The following NRXN1 variants were observed in gnomAD, a reference collection of about 807,000 sequenced individuals.
The protein encoded by NRXN1 is neurexin-1.
In NRXN1, 39 loss-of-function variants were observed where a neutral mutation model predicts 150.9. That is an observed-to-expected ratio of 0.26 (90% confidence interval 0.20 to 0.34). NRXN1 has a LOEUF of 0.34. NRXN1 is among the 10% of genes least tolerant of loss of function. The pLI is 1.00. For missense variants in NRXN1, 1,815 were observed against 1,949.9 expected, an observed-to-expected ratio of 0.93 and a Z score of 1.30; for synonymous variants, 924 against 757.0, an observed-to-expected ratio of 1.22 and a Z score of -3.62.
intron 9 of NRXN1, among the ~76,000 whole-genome samples, chr2:50,540,368 G>C (rs1244042630): frequency 1.3e-5 from 2 of 152,170 alleles, no homozygotes; most frequent in African/African-American, 2.4e-5. Flanking sequence ...AAAATATAAA[G>C]CATGGCATTT....
chr2:50,699,099 T>C (rs981199889), intron 5 of NRXN1, among the ~76,000 whole-genome samples: 1 of 152,198 alleles, frequency 6.6e-6, no homozygotes, highest in African/African-American at 2.4e-5. Flanking sequence ...AGCCTGTATG[T>C]ACCATGCAGG....
chr2:50,278,083 T>A (rs1255130935), intron 17 of NRXN1, among the ~76,000 whole-genome samples: 1 of 142,530 alleles, frequency 7.0e-6, no homozygotes, highest in African/African-American at 2.6e-5. Context: ...TTTTTTTTTT[T>A]TTTGAGATGA....
intron 21 of NRXN1, among the ~76,000 whole-genome samples, chr2:49,983,512 T>A (rs926376992): frequency 6.6e-6 from 1 of 152,186 alleles, no homozygotes; most frequent in Admixed American, 6.5e-5. Context: ...TTTGTAGGTC[T>A]ACATTTTTAA....
chr2:50,554,432 C>G (rs1476492780), intron 8 of NRXN1: 1 of 152,076 alleles, frequency 6.6e-6, no homozygotes, highest in Non-Finnish European at 1.5e-5. Flanking sequence ...TTCCTGAGTT[C>G]AAATTCTGGC....
chr2:50,852,210 T>G (rs1453905423), intron 5 of NRXN1, among the ~76,000 whole-genome samples: 4 of 152,202 alleles, frequency 2.6e-5, no homozygotes, highest in Non-Finnish European at 5.9e-5. Context: ...TAGTCACTCA[T>G]AGCTTTACAC....
At chr2:50,407,728 G>C (rs756693398) in intron 17 of NRXN1, among the ~76,000 whole-genome samples, 4 of 151,964 alleles carry the variant, frequency 2.6e-5, no homozygotes, top group Non-Finnish European at 5.9e-5. Flanking sequence ...CTCACCTCAG[G>C]ACTCTGTAGA....
intron 2 of NRXN1, among the ~76,000 whole-genome samples, chr2:50,983,035 A>G (rs1010048608): frequency 3.3e-5 from 5 of 152,076 alleles, no homozygotes; most frequent in African/African-American, 9.7e-5. Flanking sequence ...ATATAGTTCT[A>G]TTAATTCACC....
chr2:50,230,269 A>G (rs2064815123), intron 18 of NRXN1, among the ~76,000 whole-genome samples: 1 of 152,090 alleles, frequency 6.6e-6, no homozygotes. Context: ...GGAATTAGAA[A>G]TAGAGAGATG....
At chr2:50,172,700 G>T (rs2060105295) in intron 18 of NRXN1, among the ~76,000 whole-genome samples, 1 of 152,064 alleles carries the variant, frequency 6.6e-6, no homozygotes, top group South Asian at 2.1e-4. Flanking sequence ...AGCCACAGAG[G>T]CTGACGCCTG....
At chr2:50,338,774 G>A in intron 17 of NRXN1, among the ~76,000 whole-genome samples, 1 of 151,550 alleles carries the variant, frequency 6.6e-6, no homozygotes. Flanking sequence ...ATCGGTTACT[G>A]TGAGAGTACT....
chr2:50,571,939 G>A (rs535380868), intron 8 of NRXN1, among the ~76,000 whole-genome samples: 1 of 152,260 alleles, frequency 6.6e-6, no homozygotes, highest in East Asian at 1.9e-4. Flanking sequence ...ACATTCATGG[G>A]GAACTCTGAA....
At chr2:50,730,674 T>TC (rs1451912280) in intron 5 of NRXN1, among the ~76,000 whole-genome samples, 1 of 142,954 alleles carries the variant, frequency 7.0e-6, no homozygotes, top group Admixed American at 6.9e-5. Context: ...CTTGTTTTCT[T>TC]TTTTTTTTTT....
intron 18 of NRXN1, among the ~76,000 whole-genome samples, chr2:50,164,797 T>C (rs771534209): frequency 6.6e-6 from 1 of 152,006 alleles, no homozygotes; most frequent in Non-Finnish European, 1.5e-5. Context: ...AATACAGAGG[T>C]TGTGTTCTCC....
intron 21 of NRXN1, among the ~76,000 whole-genome samples, chr2:50,004,482 T>C (rs1684443927): frequency 6.6e-6 from 1 of 152,140 alleles, no homozygotes; most frequent in Non-Finnish European, 1.5e-5. Context: ...TGCTGTAGTT[T>C]TCTTGAGTCT....
intron 12 of NRXN1, among the ~76,000 whole-genome samples, chr2:50,519,668 T>C (rs905929485): frequency 3.3e-5 from 5 of 151,884 alleles, no homozygotes; most frequent in Admixed American, 1.3e-4. Context: ...TATTAGTAGG[T>C]TACAGTCAAG....
At chr2:50,712,889 GA>G (rs1695363536) in intron 5 of NRXN1, among the ~76,000 whole-genome samples, 1 of 152,124 alleles carries the variant, frequency 6.6e-6, no homozygotes, top group South Asian at 2.1e-4. Context: ...TGTAATTGCA[GA>G]AAAACTGCTC....
intron 21 of NRXN1, among the ~76,000 whole-genome samples, chr2:50,009,707 C>T (rs1685337846): frequency 6.6e-6 from 1 of 152,108 alleles, no homozygotes; most frequent in African/African-American, 2.4e-5. Flanking sequence ...CAGTAATATA[C>T]AATCATAATA....
chr2:50,632,037 T>C (rs1312001942), intron 5 of NRXN1, among the ~76,000 whole-genome samples: 2 of 151,988 alleles, frequency 1.3e-5, no homozygotes, highest in Non-Finnish European at 2.9e-5. Flanking sequence ...AAGTAAATTA[T>C]AATAATGTTA....
At chr2:50,080,446 G>A (rs1327725117) in intron 19 of NRXN1, among the ~76,000 whole-genome samples, 1 of 152,002 alleles carries the variant, frequency 6.6e-6, no homozygotes, top group Non-Finnish European at 1.5e-5. Context: ...TGGATACAGG[G>A]GGATTATTGT....
Sources: gnomAD v4.1 joint callset for allele counts (sites outside exome capture counted in the v4.1 genomes callset) on GRCh38, gnomAD v4.1.1 for gene constraint, MANE v1.5 for transcripts, NCBI Gene and HGNC (gene_info 2026-07-23, HGNC 2026-07-21) for gene names.